The following PTPRT variants were observed in gnomAD, a reference collection of about 807,000 sequenced individuals.
PTPRT encodes the protein protein tyrosine phosphatase receptor type T, also known as receptor-type tyrosine-protein phosphatase T.
In PTPRT, 56 loss-of-function variants were observed where a neutral mutation model predicts 176.8. The observed-to-expected ratio is 0.32, with a 90% CI of 0.26 to 0.40. The LOEUF (loss-of-function observed/expected upper bound fraction) is 0.40, where lower values mean the gene tolerates loss of function less well. Among genes scored for constraint, PTPRT ranks in the 10% least tolerant of loss-of-function variants. The pLI is 1.00. For synonymous variants in PTPRT, 783 were observed against 739.0 expected (o/e 1.06, Z -0.96); for missense variants, 1,540 against 1,908.2 (o/e 0.81, Z 3.60).
chr20:42,946,113 C>T (rs1307384429), intron 1 of PTPRT, among the ~76,000 whole-genome samples: 1 of 152,188 alleles, frequency 6.6e-6, no homozygotes, highest in African/African-American at 2.4e-5. Flanking sequence ...AGTCAGAGAG[C>T]AGCACAGAGT....
At chr20:42,539,331 G>A (rs370302586) in intron 7 of PTPRT, among the ~76,000 whole-genome samples, 17 of 150,736 alleles carry the variant, frequency 1.1e-4, no homozygotes, top group East Asian at 5.8e-4. Flanking sequence ...TCTGATCTTG[G>A]TGAATTACAA....
At chr20:42,230,872 C>T (rs949379297) in intron 15 of PTPRT, among the ~76,000 whole-genome samples, 6 of 152,214 alleles carry the variant, frequency 3.9e-5, no homozygotes, top group African/African-American at 2.4e-5. Flanking sequence ...TCCTGTGTCC[C>T]TGGGTCCCCA....
At chr20:42,763,610 G>A (rs1176307206) in intron 5 of PTPRT, among the ~76,000 whole-genome samples, 9 of 152,116 alleles carry the variant, frequency 5.9e-5, no homozygotes, top group Admixed American at 2.6e-4. Flanking sequence ...CTTGTAATGC[G>A]TATTCTTTTC....
chr20:42,736,911 C>G (rs2076549186), intron 6 of PTPRT, among the ~76,000 whole-genome samples: 1 of 152,192 alleles, frequency 6.6e-6, no homozygotes, highest in Admixed American at 6.5e-5. Context: ...CTTCTCACAC[C>G]TGGGAAGGTG....
At chr20:42,963,107 G>A (rs1203584131) in intron 1 of PTPRT, among the ~76,000 whole-genome samples, 1 of 152,150 alleles carries the variant, frequency 6.6e-6, no homozygotes, top group East Asian at 1.9e-4. Context: ...GGCTGAGCAG[G>A]AGAATGGCGT....
chr20:42,963,418 T>TAAA (rs1352447200), intron 1 of PTPRT, among the ~76,000 whole-genome samples: 1 of 150,382 alleles, frequency 6.6e-6, no homozygotes, highest in East Asian at 1.9e-4. Context: ...AAAATAAAAA[T>TAAA]AAAAAATAAA....
chr20:42,160,371 C>T lies in PTPRT; in HGVS notation c.2682+981G>A, dbSNP rs557541538. Among the ~76,000 whole-genome samples, 19 of 152,278 alleles carry T rather than the reference C, an allele frequency of 1.2e-4. No homozygotes were observed. The South Asian group carries it at 3.7e-3, about 30-fold the overall frequency. ...TGAGCTGCTCTTTGGTTCAGAAAAA[C>T]GTCTTAATGCATTTTCCTTTTATTT... On this transcript the variant is annotated intron_variant, in intron 17 of 30. Transcript: ENST00000373187.
intron 1 of PTPRT, among the ~76,000 whole-genome samples, chr20:42,916,648 A>C (rs1459289923): frequency 1.3e-5 from 2 of 152,258 alleles, no homozygotes; most frequent in East Asian, 3.9e-4. Context: ...CTTTTTAATG[A>C]TGGCCATTCT....
At chr20:42,298,723 C>T (rs1056460285) in intron 12 of PTPRT, among the ~76,000 whole-genome samples, 1 of 152,078 alleles carries the variant, frequency 6.6e-6, no homozygotes, top group African/African-American at 2.4e-5. Flanking sequence ...GAGATAGAGA[C>T]CATCCTGGCC....
chr20:42,597,610 C>A (rs1463828805), intron 7 of PTPRT, among the ~76,000 whole-genome samples: 2 of 152,176 alleles, frequency 1.3e-5, no homozygotes, highest in Non-Finnish European at 2.9e-5. Context: ...CCTGCTCTGG[C>A]CATGTAAGAT....
At chr20:42,086,271 C>T (rs1983895639) in intron 27 of PTPRT, among the ~76,000 whole-genome samples, 2 of 152,236 alleles carry the variant, frequency 1.3e-5, no homozygotes, top group South Asian at 4.1e-4. Context: ...TGGAAGGACA[C>T]ATTGGCCAGA....
chr20:42,883,676 CA>C (rs1193897175), intron 2 of PTPRT, among the ~76,000 whole-genome samples: 1 of 11,094 alleles, frequency 9.0e-5, no homozygotes, highest in Non-Finnish European at 2.3e-4. Context: ...CATACAAACA[CA>C]CGGACACACA....
chr20:42,309,157 A>T (rs929282280), intron 12 of PTPRT, among the ~76,000 whole-genome samples: 1 of 152,266 alleles, frequency 6.6e-6, no homozygotes, highest in African/African-American at 2.4e-5. Context: ...TAGAACATGC[A>T]TAACAGCATT....
Position 42,365,241 on chromosome 20 carries a change from T to C in PTPRT, c.1561-12956A>G, listed in dbSNP as rs967574403. On this transcript the variant is annotated intron_variant, in intron 9 of 30. Coordinates refer to ENST00000373187, the MANE Select transcript of PTPRT (RefSeq NM_007050.6). ...CATTTCTATTCCGGCTAGCCACATTTTGAGTGTTTAATAGCCACTTGTAGC... is the reference window on the plus strand; with the variant it reads ...CATTTCTATTCCGGCTAGCCACATTCTGAGTGTTTAATAGCCACTTGTAGC... Among the ~76,000 whole-genome samples, 5 of 152,314 alleles carry C rather than the reference T, an allele frequency of 3.3e-5. No individual in the cohort carries two copies. The South Asian group carries it at 8.3e-4, about 25-fold the overall frequency.
chr20:42,885,913 C>T lies in PTPRT; in HGVS notation c.108G>A (p.Glu36=), dbSNP rs1208594669. Residue 36 remains glutamate (E), a synonymous_variant, in exon 2 of 31, where the codon GAG becomes GAA. Coordinates refer to ENST00000373187, the MANE Select transcript of PTPRT (RefSeq NM_007050.6). ...CACTATAACCACAGTTGCTGTAGTG[C>T]TCATCAAAGGAACAGCCACCTGTAG... ...QSAAGGCSFD[E]HYSNCGYSVA... is the part of the protein sequence containing the mutation. 4 of 1,608,848 alleles carry T rather than the reference C, an allele frequency of 2.5e-6. No homozygotes were observed. Among genetic ancestry groups the T allele is most frequent in the Admixed American group, 1.7e-5 (1 of 59,782 alleles).
At chr20:42,309,050 T>C (rs2057587811) in intron 12 of PTPRT, among the ~76,000 whole-genome samples, 1 of 152,158 alleles carries the variant, frequency 6.6e-6, no homozygotes, top group Non-Finnish European at 1.5e-5. Context: ...ACTTCTCTTA[T>C]TTAGCTTAGC....
intron 6 of PTPRT, among the ~76,000 whole-genome samples, chr20:42,718,707 G>A (rs778728145): frequency 3.3e-5 from 5 of 152,184 alleles, no homozygotes; most frequent in Non-Finnish European, 5.9e-5. Context: ...TTGCAAAGGA[G>A]AATCAATGAC....
At position 42,087,404 on chromosome 20, in the gene PTPRT, T is replaced by A. The variant is rs375172640; in HGVS notation, c.3847-1551A>T. Among the ~76,000 whole-genome samples, 12 of 149,536 alleles carry A rather than the reference T, an allele frequency of 8.0e-5. No individual in the cohort carries two copies. In the East Asian group the frequency reaches 9.9e-4, roughly 12 times the overall value. ...TGCCATCACACCCGGCTATTTTATT[T>A]TTTTTATTTTTATTTTGTGTTTTTA... On this transcript the variant is annotated intron_variant, in intron 27 of 30. Transcript: ENST00000373187.
chr20:42,517,662 T>A (rs1190532745), intron 7 of PTPRT, among the ~76,000 whole-genome samples: 1 of 152,056 alleles, frequency 6.6e-6, no homozygotes, highest in African/African-American at 2.4e-5. Context: ...TTAACTGCAT[T>A]TCACACATTT....
Sources: gnomAD v4.1 joint callset for allele counts (sites outside exome capture counted in the v4.1 genomes callset) on GRCh38, gnomAD v4.1.1 for gene constraint, MANE v1.5 for transcripts, NCBI Gene and HGNC (gene_info 2026-07-23, HGNC 2026-07-21) for gene names.